The following RAD51B variants were observed in gnomAD, a reference collection of about 807,000 sequenced individuals.
RAD51B encodes the protein DNA repair protein RAD51 homolog 2.
RAD51B carries 38 observed loss-of-function variants against 42.2 expected under a neutral mutation model. The ratio of observed to expected loss-of-function variants is 0.90; its 90% confidence interval spans 0.70 to 1.18. The LOEUF is 1.18. Among genes scored for constraint, RAD51B ranks in the 50% most tolerant of loss-of-function variants. RAD51B has a pLI of 0.00. For synonymous variants in RAD51B, 154 were observed against 145.2 expected, an observed-to-expected ratio of 1.06 and a Z score of -0.43; for missense variants, 373 against 400.7, an observed-to-expected ratio of 0.93 and a Z score of 0.59.
intron 8 of RAD51B, among the ~76,000 whole-genome samples, chr14:68,359,198 G>A (rs1161372553): frequency 6.6e-6 from 1 of 152,118 alleles, no homozygotes; most frequent in Non-Finnish European, 1.5e-5. Context: ...AGAGGAGCAA[G>A]CAGACCTGTC....
At chr14:68,520,909 T>A (rs1317275094) in intron 10 of RAD51B, among the ~76,000 whole-genome samples, 1 of 152,164 alleles carries the variant, frequency 6.6e-6, no homozygotes, top group Non-Finnish European at 1.5e-5. Flanking sequence ...TCCTGAAAGG[T>A]TGACTGCATC....
At chr14:68,076,466 A>G (rs34229645) in intron 7 of RAD51B, among the ~76,000 whole-genome samples, 1 of 152,348 alleles carries the variant, frequency 6.6e-6, no homozygotes, top group East Asian at 1.9e-4. Flanking sequence ...TAAAAGATTA[A>G]CACATGGAAA....
At chr14:68,338,740 A>C in intron 8 of RAD51B, 1 of 427,062 alleles carries the variant, frequency 2.3e-6, no homozygotes, top group Non-Finnish European at 4.5e-6. Context: ...AACCCAGTTC[A>C]GTGGCAAAGT....
At chr14:68,236,120 C>T (rs191109082) in intron 7 of RAD51B, 1 of 152,230 alleles carries the variant, frequency 6.6e-6, no homozygotes, top group Non-Finnish European at 1.5e-5. Flanking sequence ...ATGCTTATTA[C>T]CTGGGTGGCA....
downstream of RAD51B, among the ~76,000 whole-genome samples, chr14:68,613,213 C>T (rs1429129967): frequency 4.0e-5 from 6 of 151,880 alleles, no homozygotes; most frequent in Non-Finnish European, 8.8e-5. Flanking sequence ...GTCAGGAGTT[C>T]AAGACCAGCC....
intron 10 of RAD51B, chr14:68,563,399 C>G (rs772124082): frequency 5.1e-6 from 5 of 985,328 alleles, no homozygotes; most frequent in South Asian, 4.7e-5. Flanking sequence ...TTCCCGCCCC[C>G]CAAGTCCAGA....
At chr14:67,835,551 CAT>C (rs1181537107) in intron 4 of RAD51B, among the ~76,000 whole-genome samples, 6 of 147,710 alleles carry the variant, frequency 4.1e-5, no homozygotes, top group East Asian at 1.9e-4. Flanking sequence ...ACACACGTCA[CAT>C]ATATGTAATA....
intron 7 of RAD51B, among the ~76,000 whole-genome samples, chr14:68,173,760 G>A (rs959218388): frequency 2.6e-5 from 4 of 152,156 alleles, no homozygotes; most frequent in African/African-American, 9.7e-5. Flanking sequence ...CCATTCAACT[G>A]CACAGATAAA....
At chr14:68,134,147 C>T (rs2140691861) in intron 7 of RAD51B, among the ~76,000 whole-genome samples, 1 of 152,348 alleles carries the variant, frequency 6.6e-6, no homozygotes, top group East Asian at 1.9e-4. Context: ...AACCGTGAAT[C>T]TGTTCTCCAT....
chr14:68,571,902 G>A (rs1889724419), intron 10 of RAD51B, among the ~76,000 whole-genome samples: 1 of 152,164 alleles, frequency 6.6e-6, no homozygotes, highest in African/African-American at 2.4e-5. Context: ...AAAAATGAGA[G>A]TGAGCAGCCG....
chr14:68,246,313 A>T (rs925604032), intron 7 of RAD51B, among the ~76,000 whole-genome samples: 2 of 152,118 alleles, frequency 1.3e-5, no homozygotes, highest in Non-Finnish European at 2.9e-5. Flanking sequence ...GAAAAAAAAA[A>T]ATCTTTTTGA....
chr14:68,503,274 C>T (rs1328643463), intron 10 of RAD51B, among the ~76,000 whole-genome samples: 3 of 152,088 alleles, frequency 2.0e-5, no homozygotes, highest in Non-Finnish European at 2.9e-5. Context: ...GGAAATGAGC[C>T]GCCCAGGAGC....
chr14:67,893,816 T>TCTTATATTTAGTCATCTGGTCCC (rs2043315769), intron 7 of RAD51B, among the ~76,000 whole-genome samples: 1 of 152,206 alleles, frequency 6.6e-6, no homozygotes, highest in Non-Finnish European at 1.5e-5. Flanking sequence ...GCACTGGTTC[T>TCTTATATTTAGTCATCTGGTCCC]CTTCTATTTA....
At chr14:68,613,357 G>A (rs1891744734), downstream of RAD51B, among the ~76,000 whole-genome samples, 1 of 151,664 alleles carries the variant, frequency 6.6e-6, no homozygotes, top group African/African-American at 2.4e-5. Context: ...GGTGGAGGTT[G>A]CAGTGAGCCA....
intron 7 of RAD51B, among the ~76,000 whole-genome samples, chr14:68,247,017 C>T (rs2080513060): frequency 6.6e-6 from 1 of 152,124 alleles, no homozygotes; most frequent in Admixed American, 6.5e-5. Flanking sequence ...TGTTCATGCC[C>T]AGTAAGAAGT....
At chr14:68,239,006 T>TAAC (rs531747309) in intron 7 of RAD51B, among the ~76,000 whole-genome samples, 1 of 152,202 alleles carries the variant, frequency 6.6e-6, no homozygotes, top group Non-Finnish European at 1.5e-5. Context: ...CTTGGGACCT[T>TAAC]AACAACAACA....
At chr14:68,086,804 T>C (rs1246710679) in intron 7 of RAD51B, among the ~76,000 whole-genome samples, 1 of 152,122 alleles carries the variant, frequency 6.6e-6, no homozygotes, top group Non-Finnish European at 1.5e-5. Flanking sequence ...GGAATAATAC[T>C]TCTGGGGTTT....
chr14:68,382,961 A>G (rs536802357), intron 8 of RAD51B, among the ~76,000 whole-genome samples: 12 of 152,252 alleles, frequency 7.9e-5, no homozygotes, highest in African/African-American at 2.9e-4. Flanking sequence ...CTGATAACAC[A>G]TGGCCTTATT....
chr14:68,061,357 C>A (rs1291325057), intron 7 of RAD51B, among the ~76,000 whole-genome samples: 1 of 152,162 alleles, frequency 6.6e-6, no homozygotes, highest in Non-Finnish European at 1.5e-5. Flanking sequence ...GTGTGAGCCA[C>A]CACGCCCAGC....
Sources: gnomAD v4.1 joint callset for allele counts (sites outside exome capture counted in the v4.1 genomes callset) on GRCh38, gnomAD v4.1.1 for gene constraint, MANE v1.5 for transcripts, NCBI Gene and HGNC (gene_info 2026-07-23, HGNC 2026-07-21) for gene names.